The following GRID2 variants were observed in gnomAD, a reference collection of about 807,000 sequenced individuals.
GRID2 encodes glutamate ionotropic receptor delta type subunit 2.
In GRID2, 33 loss-of-function variants were observed where a neutral mutation model predicts 114.8. That is an observed-to-expected ratio of 0.29 (90% CI 0.22 to 0.38). The LOEUF is 0.38. Ranked by LOEUF, GRID2 falls within the 10% of genes least tolerant of loss-of-function variation. GRID2 has a pLI of 1.00. For missense variants in GRID2, 1,184 were observed against 1,257.7 expected, an observed-to-expected ratio of 0.94 and a Z score of 0.89; for synonymous variants, 505 against 449.9, an observed-to-expected ratio of 1.12 and a Z score of -1.55.
intron 2 of GRID2, among the ~76,000 whole-genome samples, chr4:92,606,374 C>T (rs1729452232): frequency 6.6e-6 from 1 of 152,116 alleles, no homozygotes; most frequent in Admixed American, 6.6e-5. Flanking sequence ...GTTAGGTTAA[C>T]TTATTACACC....
intron 2 of GRID2, among the ~76,000 whole-genome samples, chr4:92,950,230 G>T (rs1243098440): frequency 2.6e-5 from 4 of 152,004 alleles, no homozygotes; most frequent in Non-Finnish European, 5.9e-5. Flanking sequence ...ACACCAGGTG[G>T]TCTAATTTTT....
At chr4:93,576,163 A>G (rs534732126) in intron 13 of GRID2, among the ~76,000 whole-genome samples, 101 of 152,210 alleles carry the variant, frequency 6.6e-4, no homozygotes, top group Non-Finnish European at 1.2e-3. Flanking sequence ...TAGGCACTCA[A>G]TGATAGTCAA....
At chr4:93,181,210 G>T (rs1739865527) in intron 4 of GRID2, among the ~76,000 whole-genome samples, 1 of 152,164 alleles carries the variant, frequency 6.6e-6, no homozygotes, top group African/African-American at 2.4e-5. Context: ...ATCTCCATCA[G>T]AGCTCTGGGG....
intron 9 of GRID2, among the ~76,000 whole-genome samples, chr4:93,407,787 G>A (rs940673371): frequency 2.1e-4 from 6 of 28,380 alleles, no homozygotes; most frequent in East Asian, 2.0e-3. Context: ...CATCCTCCTC[G>A]TCCTCCTCCT....
intron 8 of GRID2, among the ~76,000 whole-genome samples, chr4:93,360,587 G>A (rs771065546): frequency 2.0e-5 from 3 of 151,562 alleles, no homozygotes; most frequent in Non-Finnish European, 4.4e-5. Flanking sequence ...TTCTAGTATT[G>A]CATTGTGGTC....
In GRID2 at chr4:93,389,186, G is replaced by C. The variant is rs574300354; in HGVS notation, c.1246-6421G>C. Among the ~76,000 whole-genome samples, 4 of 152,238 alleles carry C rather than the reference G, an allele frequency of 2.6e-5. No individual in the cohort carries two copies. In the South Asian group the frequency reaches 8.3e-4, roughly 32 times the overall value. ...ATTATTTAATGGAGGAGATAGGAAAGACAGTGAGAATTTAATGTGATTTTA... is the reference window on the plus strand; with the variant it reads ...ATTATTTAATGGAGGAGATAGGAAACACAGTGAGAATTTAATGTGATTTTA... On this transcript the variant is annotated intron_variant, in intron 8 of 15. Transcript: ENST00000282020.
At chr4:92,410,072 C>A (rs1008643041) in intron 1 of GRID2, among the ~76,000 whole-genome samples, 2 of 152,120 alleles carry the variant, frequency 1.3e-5, no homozygotes, top group Non-Finnish European at 2.9e-5. Context: ...ATCTCTTCAG[C>A]CTATTTCAAG....
chr4:92,585,632 G>A (rs187994598), intron 1 of GRID2, among the ~76,000 whole-genome samples: 7 of 151,658 alleles, frequency 4.6e-5, no homozygotes, highest in Admixed American at 1.3e-4. Flanking sequence ...AATTCTATTC[G>A]CTGTGGAAAA....
chr4:92,415,578 C>G (rs1042339773), intron 1 of GRID2, among the ~76,000 whole-genome samples: 3 of 151,010 alleles, frequency 2.0e-5, no homozygotes, highest in African/African-American at 7.3e-5. Flanking sequence ...TTTGGTTTTC[C>G]ATTTCTGAGT....
At chr4:92,914,576 C>T (rs1748639547) in intron 2 of GRID2, among the ~76,000 whole-genome samples, 1 of 152,126 alleles carries the variant, frequency 6.6e-6, no homozygotes, top group Non-Finnish European at 1.5e-5. Flanking sequence ...CTCCCACCCA[C>T]CGCATTCTGA....
chr4:92,357,912 C>T (rs1186934887), intron 1 of GRID2, among the ~76,000 whole-genome samples: 1 of 151,840 alleles, frequency 6.6e-6, no homozygotes, highest in Non-Finnish European at 1.5e-5. Context: ...AGTTATAAGA[C>T]ATATTTGACA....
intron 2 of GRID2, among the ~76,000 whole-genome samples, chr4:92,929,033 T>C (rs542923476): frequency 6.6e-6 from 1 of 151,614 alleles, no homozygotes; most frequent in East Asian, 1.9e-4. Flanking sequence ...TGCTTAGGAT[T>C]AATTTAGAAT....
At chr4:93,146,043 T>C (rs1423678527) in intron 4 of GRID2, among the ~76,000 whole-genome samples, 2 of 152,124 alleles carry the variant, frequency 1.3e-5, no homozygotes, top group East Asian at 3.8e-4. Flanking sequence ...CAGTTCAAAA[T>C]TTGTTCAATT....
At chr4:93,667,547 T>C (rs1200046092) in intron 14 of GRID2, among the ~76,000 whole-genome samples, 1 of 151,944 alleles carries the variant, frequency 6.6e-6, no homozygotes, top group Non-Finnish European at 1.5e-5. Flanking sequence ...GGTCTGCAGA[T>C]GGGTTTCATG....
At chr4:92,473,890 A>G (rs1022089136) in intron 1 of GRID2, among the ~76,000 whole-genome samples, 1 of 151,858 alleles carries the variant, frequency 6.6e-6, no homozygotes, top group Non-Finnish European at 1.5e-5. Flanking sequence ...GTGATTTTAT[A>G]TATTTATATA....
At chr4:93,591,769 C>A (rs1233598216) in intron 13 of GRID2, among the ~76,000 whole-genome samples, 1 of 152,162 alleles carries the variant, frequency 6.6e-6, no homozygotes, top group Non-Finnish European at 1.5e-5. Context: ...TCAACTTCTT[C>A]CTGGCTTAGT....
chr4:92,404,694 C>T (rs1285465574), intron 1 of GRID2, among the ~76,000 whole-genome samples: 5 of 152,004 alleles, frequency 3.3e-5, no homozygotes, highest in Non-Finnish European at 5.9e-5. Context: ...GAATACTGTG[C>T]AGCCATAAAA....
intron 14 of GRID2, among the ~76,000 whole-genome samples, chr4:93,689,286 A>G (rs1726339920): frequency 6.6e-6 from 1 of 152,058 alleles, no homozygotes; most frequent in Non-Finnish European, 1.5e-5. Flanking sequence ...CTAATACAAC[A>G]TCTCTCCCAC....
chr4:93,616,401 G>C (rs1053652952), intron 13 of GRID2, among the ~76,000 whole-genome samples: 6 of 151,424 alleles, frequency 4.0e-5, no homozygotes, highest in African/African-American at 1.5e-4. Context: ...ACAAAAATTA[G>C]ACCAGTGTGA....
Sources: allele counts gnomAD v4.1 joint callset (sites outside exome capture counted in the v4.1 genomes callset), GRCh38; gene constraint gnomAD v4.1.1; transcripts MANE v1.5; gene names NCBI Gene and HGNC (gene_info 2026-07-23, HGNC 2026-07-21).